The following PLA2G2D variants were observed in gnomAD, a reference collection of about 807,000 sequenced individuals.
The protein encoded by PLA2G2D is phospholipase A2 group IID.
In PLA2G2D, 17 loss-of-function variants were observed where a neutral mutation model predicts 13.9. The ratio of observed to expected loss-of-function variants is 1.23; its 90% CI spans 0.84 to 1.84. The LOEUF (loss-of-function observed/expected upper bound fraction) is 1.84, where lower values mean the gene tolerates loss of function less well. Among genes scored for constraint, PLA2G2D ranks in the 40% most tolerant of loss-of-function variants. The pLI is 0.00. For synonymous variants in PLA2G2D, 83 were observed against 69.3 expected (o/e 1.20, Z -0.98); for missense variants, 194 against 178.7 (o/e 1.09, Z -0.49).
At chr1:20,119,384 A>T in intron 1 of PLA2G2D, 75 bp downstream of exon 1, 1 of 1,287,304 alleles carries the variant, frequency 7.8e-7, no homozygotes, top group Non-Finnish European at 1.1e-6. Context: ...CAGCCCCCTA[A>T]TCTGGGAAAG....
rs559915627 is a variant in PLA2G2D at position 20,119,016 on chromosome 1, C to T, written c.40+443G>A. On this transcript the variant is annotated intron_variant, in intron 1 of 3. Transcript: ENST00000375105. ...TCTGCTTAAGATCAAATGGAAATTG[C>T]CCCCTCTTCACCGAAAGTCAAGGGA... is the stretch of plus-strand genomic sequence containing the variant. Among the ~76,000 whole-genome samples, 37 of 152,260 alleles carry T rather than the reference C, an allele frequency of 2.4e-4. No individual in the cohort carries two copies. The South Asian group carries it at 7.3e-3, about 30-fold the overall frequency.
In PLA2G2D at chr1:20,114,093, C is replaced by G; in HGVS notation, c.*21G>C. 1 of 1,605,448 alleles carries G rather than the reference C, an allele frequency of 6.2e-7. No individual in the cohort carries two copies. ...GATGCCAGAGCTCCATGCTGAGGAA[C>G]AGGGTAGAGGGTGTGGGCTTCTAGC... On this transcript the variant is annotated 3_prime_UTR_variant, in exon 4 of 4. Coordinates refer to ENST00000375105, the MANE Select transcript of PLA2G2D (RefSeq NM_012400.4).
intron 3 of PLA2G2D, among the ~76,000 whole-genome samples, chr1:20,115,005 G>C (rs1045906988): frequency 2.0e-5 from 3 of 152,152 alleles, no homozygotes; most frequent in Non-Finnish European, 4.4e-5. Context: ...TCCAGCCCAG[G>C]CTCTGTCAGT....
intron 1 of PLA2G2D, among the ~76,000 whole-genome samples, chr1:20,118,873 A>G (rs1486408773): frequency 6.6e-6 from 1 of 152,258 alleles, no homozygotes; most frequent in Non-Finnish European, 1.5e-5. Flanking sequence ...AGAGAATTTC[A>G]GAGTCCCAAG....
Position 20,113,998 on chromosome 1 carries a change from G to T in PLA2G2D, c.*116C>A, listed in dbSNP as rs2016933620. The T allele has an allele frequency of 1.1e-6, 1 of 887,868 alleles. No individual in the cohort carries two copies. Among genetic ancestry groups the T allele is most frequent in the Non-Finnish European group, 1.7e-6 (1 of 573,130 alleles). The allele number at this position is 887,868 out of a possible 1,614,324, so 55.0% of individuals were successfully genotyped here. A position where few individuals can be genotyped will look rare whatever the true frequency, so the allele number is the denominator to read the frequency against. ...GAAGGCATTGGTAGAGGGTTCCGGG[G>T]GAGGCTGGGACTACCTCCCCCCGGA... On this transcript the variant is annotated 3_prime_UTR_variant, in exon 4 of 4. Transcript: ENST00000375105.
At chr1:20,115,189 G>C (rs2016959616) in intron 3 of PLA2G2D, among the ~76,000 whole-genome samples, 1 of 152,166 alleles carries the variant, frequency 6.6e-6, no homozygotes, top group Non-Finnish European at 1.5e-5. Context: ...GGCCCATTCT[G>C]TCTGTCTCAT....
intron 1 of PLA2G2D, among the ~76,000 whole-genome samples, chr1:20,118,798 AT>A (rs2017036074): frequency 6.6e-6 from 1 of 152,158 alleles, no homozygotes; most frequent in Non-Finnish European, 1.5e-5. Flanking sequence ...TGAGAGATGA[AT>A]TTTTGCAGCT....
At position 20,112,429 on chromosome 1, in the gene PLA2G2D, C is replaced by T. The variant is rs1157640866; in HGVS notation, c.*1685G>A. 1 of 152,258 alleles carries T rather than the reference C, an allele frequency of 6.6e-6. No individual in the cohort carries two copies. The highest frequency in any genetic ancestry group is 1.5e-5 in the Non-Finnish European group (1 of 68,082). The allele number at this position is 152,258 out of a possible 1,614,324, so 9.4% of individuals were successfully genotyped here. Reference sequence around the variant, plus strand: ...TTTGAACCCAGCGCCCACAGTCCTTCATTCCTATGACACCACTTCACATGA... The same window carrying T: ...TTTGAACCCAGCGCCCACAGTCCTTTATTCCTATGACACCACTTCACATGA... On this transcript the variant is annotated 3_prime_UTR_variant, in exon 4 of 4. Transcript: ENST00000375105.
In PLA2G2D at chr1:20,114,058, C is replaced by T. The variant is rs986523580; in HGVS notation, c.*56G>A. 5 of 1,553,534 alleles carry T rather than the reference C, an allele frequency of 3.2e-6. No homozygotes were observed. Among genetic ancestry groups the T allele is most frequent in the Non-Finnish European group, 4.4e-6 (5 of 1,138,414 alleles). Reference sequence around the variant, plus strand: ...AAGCCAGGCTGGTTCAGGTTAGATACTGAGGTGGGGATGCCAGAGCTCCAT... The same window carrying T: ...AAGCCAGGCTGGTTCAGGTTAGATATTGAGGTGGGGATGCCAGAGCTCCAT... On this transcript the variant is annotated 3_prime_UTR_variant, in exon 4 of 4. Transcript: ENST00000375105.
At chr1:20,114,802 T>A (rs1368650577) in intron 3 of PLA2G2D, among the ~76,000 whole-genome samples, 1 of 152,176 alleles carries the variant, frequency 6.6e-6, no homozygotes, top group Non-Finnish European at 1.5e-5. Context: ...TCATGAGAGT[T>A]AAAGTAACAA....
Position 20,112,155 on chromosome 1 carries a change from C to T in PLA2G2D, c.*1959G>A, listed in dbSNP as rs1206092559. ...CTAATTTTTGTATTTTTAGTAGAGA[C>T]GAGGTTTTGCCATGTTGGGCAGGCT... On this transcript the variant is annotated 3_prime_UTR_variant, in exon 4 of 4. Transcript: ENST00000375105. The T allele has an allele frequency of 6.6e-6, 1 of 151,510 alleles. No individual in the cohort carries two copies. The highest frequency in any genetic ancestry group is 6.6e-5 in the Admixed American group (1 of 15,200). The allele number at this position is 151,510 out of a possible 1,614,324, so 9.4% of individuals were successfully genotyped here. A position where few individuals can be genotyped will look rare whatever the true frequency, so the allele number is the denominator to read the frequency against.
chr1:20,115,379 C>G, intron 3 of PLA2G2D, 128 bp downstream of exon 3: 2 of 682,228 alleles, frequency 2.9e-6, no homozygotes, highest in South Asian at 1.7e-5. Context: ...TCTTCACAGC[C>G]CAACTGCAGC....
Position 20,115,589 on chromosome 1 carries a change from G to A in PLA2G2D, c.210C>T (p.Cys70=). The change falls in exon 3 of 4, where the codon TGC becomes TGT. Residue 70 remains cysteine, a synonymous_variant. Transcript: ENST00000375105. ...ACCCCTGGGTCTTCAGGTGGTCATA[G>A]CAGCAGTCATGGGTCTGGCAGCACC... The part of the protein sequence containing the change: ...TDWCCQTHDC[C]YDHLKTQGCS... The A allele has an allele frequency of 6.2e-7, 1 of 1,612,116 alleles. No individual in the cohort carries two copies. The highest frequency in any genetic ancestry group is 8.5e-7 in the Non-Finnish European group (1 of 1,178,194).
chr1:20,117,051 T>C (rs1416033654), intron 1 of PLA2G2D, among the ~76,000 whole-genome samples: 1 of 152,162 alleles, frequency 6.6e-6, no homozygotes, highest in Non-Finnish European at 1.5e-5. Flanking sequence ...ATTACTGTCA[T>C]ATTAAATAAA....
chr1:20,119,355 C>A (rs1193594189), intron 1 of PLA2G2D, 104 bp downstream of exon 1: 2 of 1,022,596 alleles, frequency 2.0e-6, no homozygotes, highest in Non-Finnish European at 3.1e-6. Context: ...GGGGGCCAGG[C>A]TCCTGGGGAT....
intron 3 of PLA2G2D, among the ~76,000 whole-genome samples, chr1:20,115,092 T>C (rs2016957404): frequency 6.6e-6 from 1 of 152,130 alleles, no homozygotes. Context: ...TTGCCGATCC[T>C]CGACAGGCTG....
At chr1:20,119,390 GA>G in intron 1 of PLA2G2D, 68 bp downstream of exon 1, 1 of 1,355,416 alleles carries the variant, frequency 7.4e-7, no homozygotes, top group Non-Finnish European at 1.1e-6. Flanking sequence ...CCTAATCTGG[GA>G]AAGAGAGCAC....
chr1:20,116,946 G>A (rs1022052200), intron 1 of PLA2G2D, among the ~76,000 whole-genome samples: 3 of 152,018 alleles, frequency 2.0e-5, no homozygotes, highest in Non-Finnish European at 4.4e-5. Context: ...GGGCAACAGA[G>A]TGAGACTTTG....
At chr1:20,119,343 G>C in intron 1 of PLA2G2D, 116 bp downstream of exon 1, 1 of 916,858 alleles carries the variant, frequency 1.1e-6, no homozygotes, top group Non-Finnish European at 1.8e-6. Flanking sequence ...GGATTGGGGA[G>C]TGGGGGCCAG....
Sources: gnomAD v4.1 joint callset for allele counts (sites outside exome capture counted in the v4.1 genomes callset) on GRCh38, gnomAD v4.1.1 for gene constraint, MANE v1.5 for transcripts, NCBI Gene and HGNC (gene_info 2026-07-23, HGNC 2026-07-21) for gene names.